Variants in NOD1 observed in about 807,000 individuals in gnomAD.
NOD1 encodes the protein nucleotide binding oligomerization domain containing 1, also known as nucleotide-binding oligomerization domain-containing protein 1.
In NOD1, 70 loss-of-function variants were observed where a neutral mutation model predicts 81.2. The ratio of observed to expected loss-of-function variants is 0.86; its 90% confidence interval spans 0.71 to 1.05. The LOEUF is 1.05. NOD1 is among the 50% of genes least tolerant of loss of function. The pLI is 0.00. For missense variants in NOD1, 1,233 were observed against 1,228.0 expected, an observed-to-expected ratio of 1.00 and a Z score of -0.06; for synonymous variants, 508 against 526.9, an observed-to-expected ratio of 0.96 and a Z score of 0.49.
Position 30,451,622 on chromosome 7 carries a change from C to G in NOD1, c.1795G>C (p.Ala599Pro). ...AGATGCCGCAGGAGTTTCTGTTTGG[C>G]TTTGGACAACAGCCCGCACAGGAAG... The part of the protein sequence containing the change: ...NLFLCGLLSK[A>P]KQKLLRHLVP... Residue 599 changes from alanine to proline, a missense_variant, in exon 6 of 14, where the codon GCC becomes CCC. Physicochemically the swap from Ala to Pro is conservative, Grantham distance 27 (BLOSUM62 -1). Coordinates refer to ENST00000222823, the MANE Select transcript of NOD1 (RefSeq NM_006092.4). This position sits in a 1 kb window ranked among gnomAD's most constrained non-coding sequence, Gnocchi z 4.2. 6.2e-7 allele frequency: 1 copy of G among 1,613,950 alleles called. No homozygotes were observed. The highest frequency in any genetic ancestry group is 8.5e-7 in the Non-Finnish European group (1 of 1,180,034).
At chr7:30,447,319 C>A in intron 7 of NOD1, 1 of 492,842 alleles carries the variant, frequency 2.0e-6, no homozygotes, top group African/African-American at 2.0e-5. Context: ...TGATGATAGT[C>A]CCCTTGCAGG....
At chr7:30,460,619 G>T in intron 1 of NOD1, 1 of 985,424 alleles carries the variant, frequency 1.0e-6, no homozygotes, top group Non-Finnish European at 1.2e-6. Context: ...ATCACCAAGT[G>T]GAAAAATGAA....
At chr7:30,461,075 C>CA (rs1364123894) in intron 1 of NOD1, among the ~76,000 whole-genome samples, 1 of 152,154 alleles carries the variant, frequency 6.6e-6, no homozygotes, top group Non-Finnish European at 1.5e-5. Context: ...CTAATAGCCA[C>CA]ACTAATAAAA....
rs766887981 is a variant in NOD1, at chr7:30,451,701, A to C, written c.1716T>G (p.Gly572=). The change falls in exon 6 of 14, where the codon GGT becomes GGG. Residue 572 remains glycine, a synonymous_variant. Transcript: ENST00000222823. The surrounding 1 kb of genome is among the most constrained non-coding windows in gnomAD (Gnocchi z 4.2). ...FLPFQCLQGS[G]PAREDLFKNK... ...TCTTGAAGAGGTCTTCCCGCGCCGG[A>C]CCACTGCCCTGCAGGCACTGGAACG... 2 of 1,613,852 alleles carry C rather than the reference A, an allele frequency of 1.2e-6. No homozygotes were observed. The highest frequency in any genetic ancestry group is 1.7e-5 in the Admixed American group (1 of 60,024).
chr7:30,463,229 C>G (rs1787336739), intron 1 of NOD1, among the ~76,000 whole-genome samples: 3 of 152,074 alleles, frequency 2.0e-5, no homozygotes, highest in Admixed American at 6.5e-5. Flanking sequence ...TGCTTGAAAT[C>G]TGTGAATGTT....
chr7:30,436,068 C>A lies in NOD1; in HGVS notation c.2551G>T (p.Gly851Cys). ...SLTTLSLASNGISTEGGKSLA... is the reference protein window; with the variant it reads ...SLTTLSLASNCISTEGGKSLA... The stretch of plus-strand genomic sequence containing the variant: ...CTCTTTCCTCCTTCTGTGGAGATGC[C>A]GTTGGACGCAAGACTAGGAAGGAAC... Residue 851 changes from glycine to cysteine, a missense_variant, in exon 11 of 14, where the codon GGC becomes TGC. Gly to Cys is a radical substitution (Grantham distance 159, BLOSUM62 -3). Coordinates refer to ENST00000222823, the MANE Select transcript of NOD1 (RefSeq NM_006092.4). 6.2e-7 allele frequency: 1 copy of A among 1,613,928 alleles called. No individual in the cohort carries two copies. The highest frequency in any genetic ancestry group is 1.1e-5 in the South Asian group (1 of 91,060).
intron 1 of NOD1, 78 bp from the exon 2 acceptor site, chr7:30,460,119 T>C (rs773082042): frequency 1.1e-5 from 5 of 452,400 alleles, no homozygotes; most frequent in Admixed American, 6.4e-5. Flanking sequence ...TGGCTGAAGA[T>C]TTAATCAGGT....
At chr7:30,456,157 G>C (rs113467478) in intron 4 of NOD1, among the ~76,000 whole-genome samples, 1,976 of 152,356 alleles carry the variant, frequency 0.013, 45 homozygotes, top group African/African-American at 0.045. Flanking sequence ...GCGGGGTCAT[G>C]TCATAAATGA....
At chr7:30,469,788 G>C (rs966288990) in intron 1 of NOD1, among the ~76,000 whole-genome samples, 1 of 152,240 alleles carries the variant, frequency 6.6e-6, no homozygotes, top group Non-Finnish European at 1.5e-5. Flanking sequence ...CCCTGGACTT[G>C]TCCGGATCAA....
chr7:30,450,268 T>G (rs1785552773), intron 6 of NOD1, among the ~76,000 whole-genome samples: 1 of 151,758 alleles, frequency 6.6e-6, no homozygotes, highest in Admixed American at 6.6e-5. Context: ...GGAGAGTCAC[T>G]GGCTGAGAGT....
rs1375053942 is a variant in NOD1, at chr7:30,456,865, G to A, written c.57C>T (p.His19=). ...CCCGATTGCTTTTCAGTAATTGAATGTGGGGGTGAGACTCTGATGGGATTA... is the reference window on the plus strand; with the variant it reads ...CCCGATTGCTTTTCAGTAATTGAATATGGGGGTGAGACTCTGATGGGATTA... ...MEIIPSESHP[H]IQLLKSNREL... Residue 19 remains histidine (H), a synonymous_variant, in exon 4 of 14, where the codon CAC becomes CAT. Coordinates refer to ENST00000222823, the MANE Select transcript of NOD1 (RefSeq NM_006092.4). 12 of 1,614,204 alleles carry A rather than the reference G, an allele frequency of 7.4e-6. No individual in the cohort carries two copies. The highest frequency in any genetic ancestry group is 1.1e-5 in the South Asian group (1 of 91,086).
intron 1 of NOD1, among the ~76,000 whole-genome samples, chr7:30,475,375 T>C (rs2256023): frequency 0.53 from 80,013 of 152,150 alleles, 22,408 homozygotes; most frequent in African/African-American, 0.72. Context: ...TCTGCCAAAA[T>C]CTGGCACTAA....
At chr7:30,429,044 G>A (rs1423733387) in intron 13 of NOD1, among the ~76,000 whole-genome samples, 1 of 152,192 alleles carries the variant, frequency 6.6e-6, no homozygotes, top group African/African-American at 2.4e-5. Context: ...GTCCCAGGGG[G>A]ATTTACTTCC....
At chr7:30,428,894 G>A (rs2127988193) in intron 13 of NOD1, among the ~76,000 whole-genome samples, 1 of 152,282 alleles carries the variant, frequency 6.6e-6, no homozygotes, top group Middle Eastern at 3.4e-3. Context: ...TTAGCATAAG[G>A]AAGTTCTCAA....
At chr7:30,450,838 A>AACT (rs1451582639) in intron 6 of NOD1, among the ~76,000 whole-genome samples, 1 of 152,238 alleles carries the variant, frequency 6.6e-6, no homozygotes, top group African/African-American at 2.4e-5. Flanking sequence ...TAGAGACAAT[A>AACT]ACAGTACCTA....
chr7:30,426,567 C>G (rs530162079), intron 13 of NOD1, among the ~76,000 whole-genome samples: 1 of 152,198 alleles, frequency 6.6e-6, no homozygotes, highest in Admixed American at 6.5e-5. Context: ...CTAGAAGAGC[C>G]AAGAATTGGT....
chr7:30,469,609 C>G (rs893345528), intron 1 of NOD1, among the ~76,000 whole-genome samples: 1 of 151,804 alleles, frequency 6.6e-6, no homozygotes, highest in African/African-American at 2.4e-5. Flanking sequence ...AATGCCTGCC[C>G]CCACATCTCT....
rs780131661 is a variant in NOD1, at chr7:30,448,366, C to A, written c.2217G>T (p.Gln739His). Residue 739 changes from glutamine to histidine, a missense_variant, in exon 7 of 14, where the codon CAG (glutamine) becomes CAT (histidine). Coordinates refer to ENST00000222823, the MANE Select transcript of NOD1 (RefSeq NM_006092.4). ...GCACCTTTACCCCACCGTCAGTGAT[C>A]TGGTTTACGCTGAGTCTGAAATAAA... Reference protein sequence around the residue: ...RLTVLRLSVNQITDGGVKVLS... With the variant: ...RLTVLRLSVNHITDGGVKVLS... The A allele has an allele frequency of 6.2e-7, 1 of 1,614,110 alleles. No homozygotes were observed. Among genetic ancestry groups the A allele is most frequent in the East Asian group, 2.2e-5 (1 of 44,882 alleles).
rs1310240870 is a variant in NOD1, at chr7:30,446,949, G to T, written c.2369+18C>A. ...ATCAAGAGAATATACTAAGGAACCTGGTGCCTACCCCACTTACTTAAGATG... is the reference window on the plus strand; with the variant it reads ...ATCAAGAGAATATACTAAGGAACCTTGTGCCTACCCCACTTACTTAAGATG... On this transcript the variant is annotated intron_variant, in intron 8 of 13. Coordinates refer to ENST00000222823, the MANE Select transcript of NOD1 (RefSeq NM_006092.4). 1 of 1,601,504 alleles carries T rather than the reference G, an allele frequency of 6.2e-7. No homozygotes were observed. The highest frequency in any genetic ancestry group is 1.1e-5 in the South Asian group (1 of 90,230).
Sources: gnomAD v4.1 joint callset for allele counts (sites outside exome capture counted in the v4.1 genomes callset) on GRCh38, gnomAD v4.1.1 for gene constraint, Gnocchi (gnomAD v3.1) non-coding constraint, MANE v1.5 for transcripts, NCBI Gene and HGNC (gene_info 2026-07-23, HGNC 2026-07-21) for gene names.